The following DRAM1 variants were observed in gnomAD, a reference collection of about 807,000 sequenced individuals.
DRAM1 encodes DNA damage-regulated autophagy modulator protein 1.
Under a neutral mutation model 28.5 loss-of-function variants are expected in DRAM1, and 25 were observed. That is an observed-to-expected ratio of 0.88 (90% CI 0.64 to 1.23). The LOEUF is 1.23. Among genes scored for constraint, DRAM1 ranks in the 50% most tolerant of loss-of-function variants. The probability of loss-of-function intolerance (pLI) is 0.00; values close to 1 mark genes in which losing one functional copy is unlikely to be tolerated. For synonymous variants in DRAM1, 113 were observed against 114.2 expected (o/e 0.99, Z 0.07); for missense variants, 249 against 299.2 (o/e 0.83, Z 1.24).
intron 4 of DRAM1, among the ~76,000 whole-genome samples, chr12:101,912,451 C>T (rs562458442): frequency 6.6e-6 from 1 of 152,272 alleles, no homozygotes; most frequent in East Asian, 1.9e-4. Context: ...TTTCTGAGAG[C>T]TGAGACCAAG....
chr12:101,885,949 G>A (rs1872871918), intron 1 of DRAM1, among the ~76,000 whole-genome samples: 1 of 152,158 alleles, frequency 6.6e-6, no homozygotes. Context: ...TTGTGATAGA[G>A]CCTGACACAT....
At position 101,877,666 on chromosome 12, in the gene DRAM1, C is replaced by T. The variant is rs959829049; in HGVS notation, c.-124C>T. ...CCGGGGCTGGGCCTGCCCCGGCCGT[C>T]GCGGAGCCTCCCCTCCCACCGTCCG... is the stretch of plus-strand genomic sequence containing the variant. On this transcript the variant is annotated 5_prime_UTR_variant, in exon 1 of 7. Coordinates refer to ENST00000258534, the MANE Select transcript of DRAM1 (RefSeq NM_018370.3). The surrounding 1 kb of genome is among the most constrained non-coding windows in gnomAD (Gnocchi z 4.1). 1.1e-4 allele frequency: 73 copies of T among 672,440 alleles called. No homozygotes were observed. The highest frequency in any genetic ancestry group is 3.8e-4 in the African/African-American group (20 of 52,894). The allele number at this position is 672,440 out of a possible 1,614,324, so 41.7% of individuals were successfully genotyped here.
chr12:101,878,547 A>G (rs1300138415), intron 1 of DRAM1, among the ~76,000 whole-genome samples: 2 of 152,204 alleles, frequency 1.3e-5, no homozygotes, highest in African/African-American at 2.4e-5. Flanking sequence ...TGTGACCCCA[A>G]AGTCCTCAAC....
At chr12:101,886,031 C>T (rs761936181) in intron 1 of DRAM1, among the ~76,000 whole-genome samples, 1 of 152,136 alleles carries the variant, frequency 6.6e-6, no homozygotes, top group South Asian at 2.1e-4. Context: ...GTTTCATTAA[C>T]CTTGTTAGTT....
At chr12:101,908,157 G>A (rs1873893517) in intron 3 of DRAM1, 29 bp from the exon 4 acceptor site, 3 of 1,583,876 alleles carry the variant, frequency 1.9e-6, no homozygotes, top group Non-Finnish European at 2.6e-6. Flanking sequence ...CCCACCCAGA[G>A]TAACACACAT....
At chr12:101,883,200 G>T (rs1872749095) in intron 1 of DRAM1, among the ~76,000 whole-genome samples, 1 of 151,106 alleles carries the variant, frequency 6.6e-6, no homozygotes, top group Non-Finnish European at 1.5e-5. Context: ...AATGAAAGTG[G>T]TTTATCTGTG....
chr12:101,897,829 T>C (rs1024957492), intron 1 of DRAM1, 34 bp from the exon 2 acceptor site: 1 of 1,515,276 alleles, frequency 6.6e-7, no homozygotes, highest in South Asian at 1.1e-5. Flanking sequence ...CAGAATTTCT[T>C]TCTAATAATT....
At chr12:101,895,268 C>T (rs1416115932) in intron 1 of DRAM1, among the ~76,000 whole-genome samples, 1 of 134,058 alleles carries the variant, frequency 7.5e-6, no homozygotes, top group African/African-American at 2.8e-5. Context: ...AACTCTACCT[C>T]CTGGGTTCAA....
intron 3 of DRAM1, among the ~76,000 whole-genome samples, chr12:101,904,893 G>A (rs1209560204): frequency 6.6e-6 from 1 of 152,022 alleles, no homozygotes; most frequent in African/African-American, 2.4e-5. Flanking sequence ...TCATTTCCCT[G>A]CTTTTTTGAT....
rs1873301395 is a variant in DRAM1 at position 101,895,186 on chromosome 12, G to GTTTTTTTTTTTTTTGTTTTT, written c.132-2663_132-2662insGTTTTTTTTTTTTTTTTTTT. On this transcript the variant is annotated intron_variant, in intron 1 of 6. Transcript: ENST00000258534. ...TAATGCTAAATTCGAAACCCTTCAG[G>GTTTTTTTTTTTTTTGTTTTT]TTTTTTTTTTTTTTTTTTTTTTTTT... Among the ~76,000 whole-genome samples, 523 of 75,704 alleles carry GTTTTTTTTTTTTTTGTTTTT rather than the reference G, an allele frequency of 6.9e-3. 16 individuals carry two copies. Among genetic ancestry groups the GTTTTTTTTTTTTTTGTTTTT allele is most frequent in the Non-Finnish European group, 9.7e-3 (415 of 42,850 alleles). 49.7% of individuals were successfully genotyped at this position (75,704 alleles called of 152,430 possible).
intron 3 of DRAM1, among the ~76,000 whole-genome samples, chr12:101,901,903 C>G (rs557672966): frequency 5.9e-4 from 87 of 146,794 alleles, no homozygotes; most frequent in African/African-American, 2.1e-3. Context: ...AAAGTGAGTT[C>G]TGATACTTGG....
At position 101,921,814 on chromosome 12, in the gene DRAM1, G is replaced by A. The variant is rs4764678; in HGVS notation, c.*554G>A. On this transcript the variant is annotated 3_prime_UTR_variant, in exon 7 of 7. Transcript: ENST00000258534. Reference sequence around the variant, plus strand: ...CACTAAGATACTCTGATTTTTAGCCGAACTAAACAAAGTGCTTCTACTGAG... The same window carrying A: ...CACTAAGATACTCTGATTTTTAGCCAAACTAAACAAAGTGCTTCTACTGAG... 31,605 of 152,406 alleles carry A rather than the reference G, an allele frequency of 0.21. 3,770 individuals are homozygous for A. Among genetic ancestry groups the A allele is most frequent in the African/African-American group, 0.33 (13,509 of 41,418 alleles). The allele number at this position is 152,406 out of a possible 1,614,324, so 9.4% of individuals were successfully genotyped here.
intron 4 of DRAM1, 146 bp from the exon 5 acceptor site, chr12:101,914,028 G>A (rs1874142089): frequency 4.5e-6 from 2 of 439,834 alleles, no homozygotes; most frequent in Non-Finnish European, 3.9e-6. Context: ...TAGAAATGTT[G>A]GTATTAACAT....
chr12:101,903,203 G>A (rs1180420197), intron 3 of DRAM1, among the ~76,000 whole-genome samples: 1 of 152,062 alleles, frequency 6.6e-6, no homozygotes, highest in East Asian at 1.9e-4. Flanking sequence ...GAGCCACCGT[G>A]CCCAGCCATG....
At chr12:101,879,951 A>G (rs1269522782) in intron 1 of DRAM1, among the ~76,000 whole-genome samples, 5 of 151,572 alleles carry the variant, frequency 3.3e-5, no homozygotes, top group Admixed American at 1.3e-4. Context: ...AGACAGAGCT[A>G]CTGCACTCCA....
intron 4 of DRAM1, among the ~76,000 whole-genome samples, chr12:101,912,599 T>C (rs962401535): frequency 6.6e-6 from 1 of 152,224 alleles, no homozygotes; most frequent in South Asian, 2.1e-4. Context: ...CAGAGAATCT[T>C]CTGTGCTCTC....
intron 5 of DRAM1, among the ~76,000 whole-genome samples, chr12:101,919,595 A>G (rs951331500): frequency 6.6e-6 from 1 of 152,216 alleles, no homozygotes; most frequent in African/African-American, 2.4e-5. Context: ...TTGGGATGTT[A>G]AGCAGAACTA....
chr12:101,915,815 CT>C (rs1339068144), intron 5 of DRAM1, among the ~76,000 whole-genome samples: 1 of 151,992 alleles, frequency 6.6e-6, no homozygotes, highest in Non-Finnish European at 1.5e-5. Context: ...CCTCCTTGGC[CT>C]CCTAAAGTGC....
At chr12:101,901,984 C>T (rs1279574243) in intron 3 of DRAM1, among the ~76,000 whole-genome samples, 1 of 151,674 alleles carries the variant, frequency 6.6e-6, no homozygotes, top group Non-Finnish European at 1.5e-5. Context: ...CTTTGCATTG[C>T]TCCATGTTGT....
Sources: allele counts gnomAD v4.1 joint callset (sites outside exome capture counted in the v4.1 genomes callset), GRCh38; gene constraint gnomAD v4.1.1; non-coding constraint Gnocchi (gnomAD v3.1); transcripts MANE v1.5; gene names NCBI Gene and HGNC (gene_info 2026-07-23, HGNC 2026-07-21).